PDE4B: variants seen among roughly 807,000 people sequenced by gnomAD.
The protein encoded by PDE4B is phosphodiesterase 4B, also known as 3',5'-cyclic-AMP phosphodiesterase 4B.
A neutral mutation model predicts 82.2 loss-of-function variants in PDE4B; 20 were observed. The observed-to-expected ratio is 0.24, with a 90% CI of 0.17 to 0.35. PDE4B has a LOEUF of 0.35. Ranked by LOEUF, PDE4B falls within the 10% of genes least tolerant of loss-of-function variation. The pLI is 1.00. For missense variants in PDE4B, 655 were observed against 907.2 expected (o/e 0.72, Z 3.57); for synonymous variants, 320 against 318.9 (o/e 1.00, Z -0.04).
At chr1:65,970,628 A>G (rs1399255717) in intron 3 of PDE4B, among the ~76,000 whole-genome samples, 6 of 152,308 alleles carry the variant, frequency 3.9e-5, no homozygotes, top group Admixed American at 2.0e-4. Context: ...ATATAATGTA[A>G]TAAGTTCTAT....
intron 3 of PDE4B, among the ~76,000 whole-genome samples, chr1:66,052,672 C>T (rs937671715): frequency 1.3e-5 from 2 of 151,682 alleles, no homozygotes; most frequent in African/African-American, 2.4e-5. Flanking sequence ...AAATCCTTTC[C>T]GAGAAATGAT....
At chr1:65,878,379 G>A (rs1206245963) in intron 1 of PDE4B, among the ~76,000 whole-genome samples, 1 of 152,160 alleles carries the variant, frequency 6.6e-6, no homozygotes, top group African/African-American at 2.4e-5. Flanking sequence ...TCCCATTACT[G>A]GGTATGTACC....
rs531736983 is a variant in PDE4B, at chr1:65,932,657, C to T, written c.281+13822C>T. 3.0e-3 allele frequency among the ~76,000 whole-genome samples: 462 copies of T among 152,136 alleles called. 2 individuals carry two copies. The highest frequency in any genetic ancestry group is 5.2e-3 in the Non-Finnish European group (356 of 67,984). ...AAAGAGAAATATTTGATTTACCTAA[C>T]AGAGAACTCAAAATAACCATTATGA... On this transcript the variant is annotated intron_variant, in intron 3 of 16. Coordinates refer to ENST00000341517, the MANE Select transcript of PDE4B (RefSeq NM_002600.4).
At chr1:66,002,150 G>T (rs1651900409) in intron 3 of PDE4B, among the ~76,000 whole-genome samples, 1 of 152,058 alleles carries the variant, frequency 6.6e-6, no homozygotes, top group African/African-American at 2.4e-5. Flanking sequence ...ATTTTGTATT[G>T]TCAAGTTTTT....
At chr1:65,889,349 G>A (rs1646827357) in intron 1 of PDE4B, among the ~76,000 whole-genome samples, 1 of 151,874 alleles carries the variant, frequency 6.6e-6, no homozygotes, top group Non-Finnish European at 1.5e-5. Flanking sequence ...GTTTTGTTGA[G>A]GATTTATGTT....
intron 7 of PDE4B, among the ~76,000 whole-genome samples, chr1:66,287,707 A>G (rs1227990273): frequency 6.6e-6 from 1 of 152,164 alleles, no homozygotes; most frequent in Non-Finnish European, 1.5e-5. Context: ...TAGGCTAGGC[A>G]TAGTGGCTCA....
At chr1:65,890,836 TACAC>T (rs1468676568) in intron 1 of PDE4B, among the ~76,000 whole-genome samples, 2 of 151,836 alleles carry the variant, frequency 1.3e-5, no homozygotes, top group Non-Finnish European at 2.9e-5. Flanking sequence ...TACACACACA[TACAC>T]ACACAGACAC....
At chr1:65,953,145 G>C (rs1649088984) in intron 3 of PDE4B, among the ~76,000 whole-genome samples, 2 of 152,038 alleles carry the variant, frequency 1.3e-5, no homozygotes, top group South Asian at 4.1e-4. Context: ...ACTGTCTTAA[G>C]ACCCTTCTGT....
intron 7 of PDE4B, among the ~76,000 whole-genome samples, chr1:66,314,566 C>T (rs527722940): frequency 6.6e-6 from 1 of 152,240 alleles, no homozygotes; most frequent in African/African-American, 2.4e-5. Context: ...GAACCCACCA[C>T]TATGCCTGGC....
At chr1:66,368,219 G>A in intron 15 of PDE4B, 154 bp downstream of exon 15, 2 of 624,832 alleles carry the variant, frequency 3.2e-6, no homozygotes, top group Non-Finnish European at 5.2e-6. Context: ...TAAGGAAAAT[G>A]GACATTCAAG....
intron 1 of PDE4B, among the ~76,000 whole-genome samples, chr1:65,818,272 C>CTTT (rs1645908668): frequency 1.3e-5 from 2 of 152,128 alleles, no homozygotes; most frequent in Non-Finnish European, 2.9e-5. Flanking sequence ...GCCTAAATGT[C>CTTT]TTTTCTTGTG....
chr1:65,926,413 C>A (rs1200178527), intron 3 of PDE4B, among the ~76,000 whole-genome samples: 1 of 152,070 alleles, frequency 6.6e-6, no homozygotes, highest in Non-Finnish European at 1.5e-5. Flanking sequence ...TATAAAATTG[C>A]CTTTAGTACA....
intron 3 of PDE4B, among the ~76,000 whole-genome samples, chr1:66,112,347 G>T (rs951515412): frequency 1.3e-5 from 2 of 152,032 alleles, no homozygotes; most frequent in Non-Finnish European, 2.9e-5. Context: ...ATTATTGATT[G>T]AATGTCTGCC....
chr1:66,254,255 C>T (rs968217025), intron 4 of PDE4B, among the ~76,000 whole-genome samples: 5 of 151,934 alleles, frequency 3.3e-5, no homozygotes, highest in African/African-American at 1.2e-4. Context: ...AGCAAGAAAG[C>T]AAGAAAGAAG....
chr1:66,220,553 C>T (rs191465515), intron 3 of PDE4B, among the ~76,000 whole-genome samples: 16 of 152,274 alleles, frequency 1.1e-4, no homozygotes, highest in African/African-American at 3.6e-4. Flanking sequence ...GAGCCTTTTG[C>T]ATTATAAATT....
At chr1:65,866,936 T>C (rs922384810) in intron 1 of PDE4B, among the ~76,000 whole-genome samples, 2 of 152,250 alleles carry the variant, frequency 1.3e-5, no homozygotes, top group Non-Finnish European at 2.9e-5. Flanking sequence ...AGTGTTTGCT[T>C]TATTAATCAA....
chr1:66,206,369 G>C (rs76091712), intron 3 of PDE4B, among the ~76,000 whole-genome samples: 1 of 152,056 alleles, frequency 6.6e-6, no homozygotes, highest in Admixed American at 6.6e-5. Flanking sequence ...AATCTCTAGC[G>C]GGGGGATACA....
chr1:65,913,400 A>G, intron 2 of PDE4B, 44 bp downstream of exon 2: 1 of 1,584,972 alleles, frequency 6.3e-7, no homozygotes. Flanking sequence ...TGTTCAATAA[A>G]GAAGTCACTG....
intron 3 of PDE4B, among the ~76,000 whole-genome samples, chr1:66,104,519 CT>C (rs1345321406): frequency 2.2e-4 from 32 of 145,140 alleles, no homozygotes; most frequent in African/African-American, 8.1e-4. Context: ...GCCACACTGA[CT>C]TCCACAATGG....
Sources: gnomAD v4.1 joint callset for allele counts (sites outside exome capture counted in the v4.1 genomes callset) on GRCh38, gnomAD v4.1.1 for gene constraint, MANE v1.5 for transcripts, NCBI Gene and HGNC (gene_info 2026-07-23, HGNC 2026-07-21) for gene names.